Variants in PLXNA4 observed in about 807,000 individuals in gnomAD.
PLXNA4 encodes plexin A4, also known as plexin-A4.
Under a neutral mutation model 191.8 loss-of-function variants are expected in PLXNA4, and 44 were observed. That is an observed-to-expected ratio of 0.23 (90% CI 0.18 to 0.29). The LOEUF (loss-of-function observed/expected upper bound fraction) is 0.29, where lower values mean the gene tolerates loss of function less well. PLXNA4 is among the 10% of genes least tolerant of loss of function. The probability of loss-of-function intolerance (pLI) is 1.00; values close to 1 mark genes in which losing one functional copy is unlikely to be tolerated. For synonymous variants in PLXNA4, 1,082 were observed against 1,009.5 expected (o/e 1.07, Z -1.36); for missense variants, 1,800 against 2,488.8 (o/e 0.72, Z 5.89).
intron 2 of PLXNA4, 21 bp downstream of exon 2, chr7:132,507,485 C>G (rs200886006): frequency 6.3e-7 from 1 of 1,585,090 alleles, no homozygotes; most frequent in Non-Finnish European, 8.6e-7. Flanking sequence ...CATCCCAGCG[C>G]GCAGCCCTCC....
In PLXNA4 at chr7:132,297,683, C is replaced by A. The variant is rs553613926; in HGVS notation, c.1503+408G>T. On this transcript the variant is annotated intron_variant, in intron 4 of 31. Coordinates refer to ENST00000321063, the MANE Select transcript of PLXNA4 (RefSeq NM_020911.2). ...ACCATGGTGTTCCCTTAACTACACT[C>A]TTTTGGCAATAAATTCTTGATCCCA... Among the ~76,000 whole-genome samples, 29 of 152,266 alleles carry A rather than the reference C, an allele frequency of 1.9e-4. No individual in the cohort carries two copies. In the Middle Eastern group the frequency reaches 0.01, roughly 54 times the overall value.
At chr7:132,584,842 CA>C (rs911596838) in intron 2 of PLXNA4, among the ~76,000 whole-genome samples, 4 of 151,820 alleles carry the variant, frequency 2.6e-5, no homozygotes, top group Admixed American at 6.6e-5. Context: ...TGAAAATGAA[CA>C]AAAAAAACTG....
At chr7:132,572,826 GTCCACA>G (rs1802042321) in intron 1 of PLXNA4, among the ~76,000 whole-genome samples, 1 of 152,162 alleles carries the variant, frequency 6.6e-6, no homozygotes, top group Non-Finnish European at 1.5e-5. Context: ...ACAGTGTCCT[GTCCACA>G]GGGCCCTGTG....
chr7:132,338,131 T>C (rs896607617), intron 3 of PLXNA4, among the ~76,000 whole-genome samples: 2 of 152,222 alleles, frequency 1.3e-5, no homozygotes, highest in African/African-American at 4.8e-5. Flanking sequence ...AGATGCATAC[T>C]GTGCTGAGGG....
chr7:132,513,649 T>C (rs570416434), intron 1 of PLXNA4, among the ~76,000 whole-genome samples: 45 of 151,998 alleles, frequency 3.0e-4, no homozygotes, highest in African/African-American at 1.1e-3. Flanking sequence ...CACAGGTGTT[T>C]TTTGTTTTAG....
chr7:132,511,945 T>A (rs1798729384), intron 1 of PLXNA4, among the ~76,000 whole-genome samples: 1 of 152,216 alleles, frequency 6.6e-6, no homozygotes, highest in Admixed American at 6.5e-5. Context: ...TTGAAGACAG[T>A]GTAAGACTGG....
chr7:132,165,643 A>G (rs1254300021), intron 22 of PLXNA4, among the ~76,000 whole-genome samples: 1 of 152,140 alleles, frequency 6.6e-6, no homozygotes. Context: ...TTAAATAGTC[A>G]CATGTGGCTC....
At chr7:132,426,641 T>G (rs1035404215) in intron 3 of PLXNA4, among the ~76,000 whole-genome samples, 1 of 152,122 alleles carries the variant, frequency 6.6e-6, no homozygotes, top group African/African-American at 2.4e-5. Flanking sequence ...TTCTATAGCT[T>G]AAGTGAGAGT....
chr7:132,642,133 T>C (rs1202706771), intron 2 of PLXNA4, among the ~76,000 whole-genome samples: 1 of 152,304 alleles, frequency 6.6e-6, no homozygotes, highest in East Asian at 1.9e-4. Flanking sequence ...TTCAATGACA[T>C]TTTTAATGAT....
intron 9 of PLXNA4, among the ~76,000 whole-genome samples, chr7:132,214,157 G>GAC (rs1797892005): frequency 6.6e-6 from 1 of 152,152 alleles, no homozygotes; most frequent in Non-Finnish European, 1.5e-5. Context: ...GTCAGCAGGG[G>GAC]TCCCCCTGAA....
intron 3 of PLXNA4, among the ~76,000 whole-genome samples, chr7:132,321,323 T>C: frequency 6.6e-6 from 1 of 151,814 alleles, no homozygotes; most frequent in East Asian, 1.9e-4. Context: ...TGTGTGAATG[T>C]AAGATCTACA....
At chr7:132,461,223 G>A (rs909201254) in intron 3 of PLXNA4, among the ~76,000 whole-genome samples, 16 of 152,214 alleles carry the variant, frequency 1.1e-4, no homozygotes, top group Non-Finnish European at 1.5e-4. Context: ...ATATGTAAAT[G>A]AGGGAGTGGG....
intron 3 of PLXNA4, among the ~76,000 whole-genome samples, chr7:132,470,658 A>C (rs553484691): frequency 6.6e-6 from 1 of 152,320 alleles, no homozygotes; most frequent in East Asian, 1.9e-4. Context: ...CTCATATCAC[A>C]TGAGTCCTTA....
At chr7:132,175,251 T>C (rs1409851369) in intron 20 of PLXNA4, among the ~76,000 whole-genome samples, 1 of 152,002 alleles carries the variant, frequency 6.6e-6, no homozygotes, top group Non-Finnish European at 1.5e-5. Flanking sequence ...TGAAGGGCTT[T>C]GGTTTGCAAA....
chr7:132,271,668 G>T (rs1800078442), intron 4 of PLXNA4, among the ~76,000 whole-genome samples: 1 of 152,100 alleles, frequency 6.6e-6, no homozygotes, highest in African/African-American at 2.4e-5. Context: ...CCACTGCCAT[G>T]AAATGATGGA....
chr7:132,249,712 G>T (rs1355408259), intron 4 of PLXNA4, among the ~76,000 whole-genome samples: 1 of 152,240 alleles, frequency 6.6e-6, no homozygotes, highest in Admixed American at 6.5e-5. Context: ...GTTGGGGGCT[G>T]GAGCCTGCCC....
At chr7:132,301,213 T>C (rs978108998) in intron 3 of PLXNA4, among the ~76,000 whole-genome samples, 2 of 152,208 alleles carry the variant, frequency 1.3e-5, no homozygotes, top group African/African-American at 4.8e-5. Flanking sequence ...TATTTATTCA[T>C]CTGTTGAAAA....
intron 15 of PLXNA4, among the ~76,000 whole-genome samples, chr7:132,186,886 A>G (rs940057833): frequency 2.6e-5 from 4 of 152,202 alleles, no homozygotes; most frequent in Non-Finnish European, 4.4e-5. Flanking sequence ...ATTCGCCACA[A>G]GATCAGAAAT....
chr7:132,532,551 A>G (rs1374793499), intron 1 of PLXNA4, among the ~76,000 whole-genome samples: 1 of 152,170 alleles, frequency 6.6e-6, no homozygotes, highest in Non-Finnish European at 1.5e-5. Flanking sequence ...CTTTATGCAC[A>G]ATGCATTATC....
Sources: allele counts gnomAD v4.1 joint callset (sites outside exome capture counted in the v4.1 genomes callset), GRCh38; gene constraint gnomAD v4.1.1; transcripts MANE v1.5; gene names NCBI Gene and HGNC (gene_info 2026-07-23, HGNC 2026-07-21).